Variants in TESPA1 observed in about 807,000 individuals in gnomAD.
TESPA1 encodes the protein thymocyte expressed, positive selection associated 1.
Under a neutral mutation model 57.9 loss-of-function variants are expected in TESPA1, and 33 were observed. That is an observed-to-expected ratio of 0.57 (90% confidence interval 0.43 to 0.76). The LOEUF (loss-of-function observed/expected upper bound fraction) is 0.76. TESPA1 is among the 30% of genes least tolerant of loss of function. The pLI, the probability that TESPA1 is intolerant of heterozygous loss-of-function variation, is 0.00. For synonymous variants in TESPA1, 227 were observed against 228.9 expected, an observed-to-expected ratio of 0.99 and a Z score of 0.07; for missense variants, 618 against 632.9, an observed-to-expected ratio of 0.98 and a Z score of 0.25.
chr12:54,960,594 T>G (rs1406909355), intron 10 of TESPA1, among the ~76,000 whole-genome samples: 1 of 152,220 alleles, frequency 6.6e-6, no homozygotes, highest in Non-Finnish European at 1.5e-5. Context: ...GTTACAAAAC[T>G]TCTACTACAA....
chr12:54,961,343 G>T, intron 9 of TESPA1, 76 bp from the exon 10 acceptor site: 1 of 1,532,710 alleles, frequency 6.5e-7, no homozygotes, highest in Non-Finnish European at 9.0e-7. Context: ...GTGGCAGGTA[G>T]CTGTAGGGGA....
chr12:54,958,785 A>G (rs1171103538), intron 10 of TESPA1, among the ~76,000 whole-genome samples: 1 of 152,098 alleles, frequency 6.6e-6, no homozygotes, highest in African/African-American at 2.4e-5. Context: ...TTCCTCAGCC[A>G]TGTCCAGTCC....
chr12:54,963,446 C>T (rs1433800944), intron 8 of TESPA1, among the ~76,000 whole-genome samples: 1 of 152,020 alleles, frequency 6.6e-6, no homozygotes, highest in African/African-American at 2.4e-5. Context: ...GATATTCCAA[C>T]TGGGAAACAA....
intron 10 of TESPA1, among the ~76,000 whole-genome samples, chr12:54,960,236 T>G (rs1950990512): frequency 6.6e-6 from 1 of 152,178 alleles, no homozygotes; most frequent in Non-Finnish European, 1.5e-5. Context: ...AGATAGGTGG[T>G]TAAAACTACA....
rs369460871 is a variant in TESPA1 at position 54,974,457 on chromosome 12, C to T, written c.106G>A (p.Ala36Thr). 8.7e-6 allele frequency: 14 copies of T among 1,609,144 alleles called. No homozygotes were observed. The highest frequency in any genetic ancestry group is 1.1e-5 in the South Asian group (1 of 89,896). Residue 36 changes from alanine to threonine, a missense_variant, in exon 2 of 11, where the codon GCC becomes ACC. Transcript: ENST00000449076. ...TCAGGATCTGGGACATCCTGCAGGGCGGCGGCAGCCTCCTCTTCTAGGACC... is the reference window on the plus strand; with the variant it reads ...TCAGGATCTGGGACATCCTGCAGGGTGGCGGCAGCCTCCTCTTCTAGGACC... ...TQVLEEEAAA[A>T]LQDVPDPEPS...
At chr12:54,969,245 A>G (rs1951672961) in intron 3 of TESPA1, among the ~76,000 whole-genome samples, 1 of 151,646 alleles carries the variant, frequency 6.6e-6, no homozygotes, top group Non-Finnish European at 1.5e-5. Context: ...ACCTAGAACT[A>G]TAAATATATT....
chr12:54,969,207 C>T lies in TESPA1; in HGVS notation c.207-1315G>A, dbSNP rs546926870. Among the ~76,000 whole-genome samples the T allele has an allele frequency of 4.6e-5, 7 of 151,312 alleles. No homozygotes were observed. The East Asian group carries it at 7.8e-4, about 17-fold the overall frequency. On this transcript the variant is annotated intron_variant, in intron 3 of 10. Coordinates refer to ENST00000449076, the MANE Select transcript of TESPA1 (RefSeq NM_001136030.3). ...TAAAATATGAAATAATAGGCAAGCTCATTAAGAATAGGTAACTCTAATAAT... is the reference window on the plus strand; with the variant it reads ...TAAAATATGAAATAATAGGCAAGCTTATTAAGAATAGGTAACTCTAATAAT...
chr12:54,957,703 C>G (rs1950818659), intron 10 of TESPA1, among the ~76,000 whole-genome samples: 1 of 152,162 alleles, frequency 6.6e-6, no homozygotes, highest in Non-Finnish European at 1.5e-5. Context: ...TCTTATTCTT[C>G]TAGGTAATCA....
intron 10 of TESPA1, among the ~76,000 whole-genome samples, chr12:54,958,490 G>GTTT (rs200400564): frequency 1.4e-5 from 2 of 142,186 alleles, no homozygotes; most frequent in Non-Finnish European, 3.0e-5. Context: ...AGATTTTTGC[G>GTTT]TTTTTTTGTG....
chr12:54,966,507 A>G (rs1951442505), intron 5 of TESPA1, 83 bp from the exon 6 acceptor site: 4 of 1,501,060 alleles, frequency 2.7e-6, no homozygotes, highest in Non-Finnish European at 3.6e-6. Context: ...CCTAAAACTC[A>G]GTCCCCTCTG....
At chr12:54,980,540 C>T (rs1592430718) in intron 1 of TESPA1, among the ~76,000 whole-genome samples, 2 of 152,176 alleles carry the variant, frequency 1.3e-5, no homozygotes, top group Non-Finnish European at 2.9e-5. Context: ...GGGCCCCGCC[C>T]GGTACATGGC....
intron 1 of TESPA1, among the ~76,000 whole-genome samples, chr12:54,980,084 C>T (rs563834641): frequency 6.6e-6 from 1 of 152,004 alleles, no homozygotes; most frequent in Admixed American, 6.5e-5. Flanking sequence ...ATAGTTTTTC[C>T]ACTGACATTA....
intron 1 of TESPA1, among the ~76,000 whole-genome samples, chr12:54,976,691 T>C (rs562879694): frequency 6.6e-6 from 1 of 152,296 alleles, no homozygotes; most frequent in Non-Finnish European, 1.5e-5. Flanking sequence ...CATTGATGCA[T>C]CTAATACTAC....
At chr12:54,974,316 C>G in intron 2 of TESPA1, 84 bp downstream of exon 2, 1 of 1,274,690 alleles carries the variant, frequency 7.8e-7, no homozygotes, top group Non-Finnish European at 1.0e-6. Context: ...AAACAAGGAA[C>G]CTGTTCACAC....
At chr12:54,970,131 G>T (rs2046690) in intron 3 of TESPA1, among the ~76,000 whole-genome samples, 55,324 of 151,796 alleles carry the variant, frequency 0.36, 12,967 homozygotes, top group East Asian at 0.92. Flanking sequence ...AGAGATGGAG[G>T]ACTGGTACAT....
chr12:54,969,160 ATAC>A (rs1299948886), intron 3 of TESPA1, among the ~76,000 whole-genome samples: 1 of 151,032 alleles, frequency 6.6e-6, no homozygotes, highest in Non-Finnish European at 1.5e-5. Flanking sequence ...CTTATGAAAA[ATAC>A]TACATCAAAG....
intron 1 of TESPA1, among the ~76,000 whole-genome samples, chr12:54,975,170 T>G: frequency 6.6e-6 from 1 of 152,082 alleles, no homozygotes. Flanking sequence ...TTTATGTTCC[T>G]GTTTTATATA....
At chr12:54,950,577 TGA>T (rs370452733) in intron 10 of TESPA1, among the ~76,000 whole-genome samples, 187 bp from the exon 11 acceptor site, 13 of 152,254 alleles carry the variant, frequency 8.5e-5, no homozygotes, top group African/African-American at 3.1e-4. Context: ...CATCATGAGG[TGA>T]GATTCCTGCA....
chr12:54,965,945 A>G, intron 7 of TESPA1, 108 bp downstream of exon 7: 1 of 1,059,616 alleles, frequency 9.4e-7, no homozygotes, highest in South Asian at 1.5e-5. Context: ...AAAGTGCATA[A>G]AAGCTCCAGT....
Sources: gnomAD v4.1 joint callset for allele counts (sites outside exome capture counted in the v4.1 genomes callset) on GRCh38, gnomAD v4.1.1 for gene constraint, MANE v1.5 for transcripts, NCBI Gene and HGNC (gene_info 2026-07-23, HGNC 2026-07-21) for gene names.